The following PKN3 variants were observed in gnomAD, a reference collection of about 807,000 sequenced individuals.
PKN3 encodes serine/threonine-protein kinase N3.
A neutral mutation model predicts 113.1 loss-of-function variants in PKN3; 91 were observed. The observed-to-expected ratio is 0.80, with a 90% CI of 0.68 to 0.96. The LOEUF is 0.96. Among genes scored for constraint, PKN3 ranks in the 40% least tolerant of loss-of-function variants. PKN3 has a pLI of 0.00. For missense variants in PKN3, 1,052 were observed against 1,202.2 expected (o/e 0.88, Z 1.85); for synonymous variants, 467 against 499.0 (o/e 0.94, Z 0.85).
chr9:128,720,814 C>T lies in PKN3; in HGVS notation c.*208C>T, dbSNP rs1319089720. ...CCTTCCCCCTCCAGCTCGCCCTCTT[C>T]TACCTCCCAGCGAGACCTGGCCCAG... On this transcript the variant is annotated 3_prime_UTR_variant, in exon 22 of 22. Transcript: ENST00000291906. This position sits in a 1 kb window ranked among gnomAD's most constrained non-coding sequence, Gnocchi z 5.5. The T allele has an allele frequency of 1.7e-6, 1 of 605,066 alleles. No individual in the cohort carries two copies. 37.5% of individuals were successfully genotyped at this position (605,066 alleles called of 1,614,324 possible). A position where few individuals can be genotyped will look rare whatever the true frequency, so the allele number is the denominator to read the frequency against.
rs1861988101 is a variant in PKN3, at chr9:128,705,553, G to A, written c.265+10G>A. ...GGGCCTGGCCCAGCTGGTGAGTGAG[G>A]AGCTGAGACCCCCTCAGGACAGAAG... is the stretch of plus-strand genomic sequence containing the variant. On this transcript the variant is annotated intron_variant, in intron 2 of 21. Coordinates refer to ENST00000291906, the MANE Select transcript of PKN3 (RefSeq NM_013355.5). 6.4e-7 allele frequency: 1 copy of A among 1,553,838 alleles called. No individual in the cohort carries two copies. The highest frequency in any genetic ancestry group is 8.7e-7 in the Non-Finnish European group (1 of 1,149,446).
In PKN3 at chr9:128,716,928, G is replaced by T; in HGVS notation, c.1985+5G>T. ...CTTCCCCGAGCCCCAGGCCCGGTGGGTTCCATCCCTCCTGCCTGCCTCTTC... is the reference window on the plus strand; with the variant it reads ...CTTCCCCGAGCCCCAGGCCCGGTGGTTTCCATCCCTCCTGCCTGCCTCTTC... On this transcript the variant is annotated splice_donor_5th_base_variant and intron_variant, in intron 16 of 21. Transcript: ENST00000291906. 6.2e-7 allele frequency: 1 copy of T among 1,612,388 alleles called. No homozygotes were observed. The highest frequency in any genetic ancestry group is 1.3e-5 in the African/African-American group (1 of 74,828).
chr9:128,705,463 G>T lies in PKN3; in HGVS notation c.185G>T (p.Arg62Leu), dbSNP rs1266686337. Residue 62 changes from arginine (R) to leucine (L), a missense_variant, in exon 2 of 22, where the codon CGC becomes CTC. Coordinates refer to ENST00000291906, the MANE Select transcript of PKN3 (RefSeq NM_013355.5). ...HVQQLLRSSN[R>L]RLEQLHGELR... ...CAGCAGCTGCTGCGGTCCTCCAACC[G>T]CCGCCTGGAGCAGCTGCATGGCGAG... 12 of 1,570,520 alleles carry T rather than the reference G, an allele frequency of 7.6e-6. No individual in the cohort carries two copies. The East Asian group carries it at 2.6e-4, about 34-fold the overall frequency.
Position 128,714,201 on chromosome 9 carries a change from G to A in PKN3, c.1317G>A (p.Gln439=). The part of the protein sequence containing the change: ...QERIFSKRRG[Q]DFLRASQMNL... ...AAGCTCCCCCTTTTCTCCCAGGCCAGGACTTCCTGAGGGCTTCGCAGATGA... is the reference window on the plus strand; with the variant it reads ...AAGCTCCCCCTTTTCTCCCAGGCCAAGACTTCCTGAGGGCTTCGCAGATGA... The change falls in exon 11 of 22, where the codon CAG becomes CAA. Residue 439 remains glutamine (Q), a synonymous_variant. Transcript: ENST00000291906. 1.2e-6 allele frequency: 2 copies of A among 1,613,970 alleles called. No individual in the cohort carries two copies. Among genetic ancestry groups the A allele is most frequent in the Non-Finnish European group, 1.7e-6 (2 of 1,179,920 alleles).
In PKN3 at chr9:128,705,467, C is replaced by T. The variant is rs1861982970; in HGVS notation, c.189C>T (p.Arg63=). The T allele has an allele frequency of 1.9e-6, 3 of 1,570,336 alleles. No homozygotes were observed. The highest frequency in any genetic ancestry group is 2.4e-5 in the East Asian group (1 of 42,096). The change falls in exon 2 of 22, where the codon CGC becomes CGT. Residue 63 remains arginine, a synonymous_variant. Coordinates refer to ENST00000291906, the MANE Select transcript of PKN3 (RefSeq NM_013355.5). The part of the protein sequence containing the change: ...VQQLLRSSNR[R]LEQLHGELRE... ...AGCTGCTGCGGTCCTCCAACCGCCG[C>T]CTGGAGCAGCTGCATGGCGAGCTGC...
chr9:128,717,747 C>T (rs1345740607), intron 16 of PKN3, among the ~76,000 whole-genome samples: 1 of 138,910 alleles, frequency 7.2e-6, no homozygotes, highest in African/African-American at 2.7e-5. Flanking sequence ...AGGCCGGGCA[C>T]GTTGGTTCAT....
chr9:128,712,678 T>C (rs1006568085), intron 6 of PKN3, among the ~76,000 whole-genome samples: 1 of 152,184 alleles, frequency 6.6e-6, no homozygotes, highest in Non-Finnish European at 1.5e-5. Flanking sequence ...CTCCAGCATG[T>C]GGAGGGGAGA....
chr9:128,706,826 T>C lies in PKN3; in HGVS notation c.523+2T>C, dbSNP rs762326795. ...AGGCCAGTGGGTCCCCGGAGCCAGG[T>C]GAGGCCTTGAGACACAGGGAGGGCG... On this transcript the variant is annotated splice_donor_variant, in intron 4 of 21. Transcript: ENST00000291906. LOFTEE classifies it high-confidence loss of function. 3.7e-6 allele frequency: 6 copies of C among 1,611,100 alleles called. No homozygotes were observed. Among genetic ancestry groups the C allele is most frequent in the Non-Finnish European group, 5.1e-6 (6 of 1,177,922 alleles).
intron 6 of PKN3, among the ~76,000 whole-genome samples, chr9:128,710,847 A>C (rs1304109072): frequency 6.6e-6 from 1 of 152,100 alleles, no homozygotes. Flanking sequence ...CTTACACGGG[A>C]GTACTTATGG....
At chr9:128,714,703 T>C in intron 12 of PKN3, 39 bp downstream of exon 12, 1 of 1,373,790 alleles carries the variant, frequency 7.3e-7, no homozygotes, top group South Asian at 1.2e-5. Flanking sequence ...TAGGGCCGGC[T>C]GGGGCTGGCA....
intron 1 of PKN3, among the ~76,000 whole-genome samples, chr9:128,704,492 G>A (rs1176496031): frequency 1.3e-5 from 2 of 152,176 alleles, no homozygotes; most frequent in African/African-American, 4.8e-5. Context: ...TTGGGTCCCA[G>A]ATGTAGAGAG....
At chr9:128,708,745 A>C (rs1480135664) in intron 6 of PKN3, among the ~76,000 whole-genome samples, 1 of 151,752 alleles carries the variant, frequency 6.6e-6, no homozygotes, top group Non-Finnish European at 1.5e-5. Flanking sequence ...GGGGAGGCTG[A>C]GGCAAGAGAA....
chr9:128,704,372 A>T (rs1284834258), intron 1 of PKN3, among the ~76,000 whole-genome samples: 1 of 152,146 alleles, frequency 6.6e-6, no homozygotes, highest in Non-Finnish European at 1.5e-5. Flanking sequence ...TACCTGTGGC[A>T]TTGGGACATC....
At chr9:128,704,084 T>C in intron 1 of PKN3, 1 of 985,272 alleles carries the variant, frequency 1.0e-6, no homozygotes, top group Non-Finnish European at 1.2e-6. Flanking sequence ...GAGTCTGGGG[T>C]TGCGGCCCCT....
intron 1 of PKN3, chr9:128,703,319 G>A: frequency 1.0e-6 from 1 of 963,220 alleles, no homozygotes; most frequent in Non-Finnish European, 1.2e-6. Context: ...CGGGGCACAG[G>A]GGCCTGGGGG....
chr9:128,706,237 C>T (rs566343407), intron 3 of PKN3, among the ~76,000 whole-genome samples: 53 of 152,310 alleles, frequency 3.5e-4, no homozygotes, highest in Non-Finnish European at 3.5e-4. Flanking sequence ...AGCCCCTGCC[C>T]TGATCTGATG....
chr9:128,718,767 G>T, intron 18 of PKN3, 142 bp downstream of exon 18: 9 of 758,262 alleles, frequency 1.2e-5, no homozygotes, highest in Non-Finnish European at 1.8e-5. Flanking sequence ...CATTCCAGGG[G>T]ACAGCTGGGC....
At position 128,702,758 on chromosome 9, in the gene PKN3, G is replaced by T. The variant is rs1473120379; in HGVS notation, c.-158G>T. On this transcript the variant is annotated 5_prime_UTR_variant, in exon 1 of 22. Transcript: ENST00000291906. ...ATCGGCGCGGACGGGAGGCGGCGCT[G>T]GTCCCGCGGGCCAGCGGGTCTCGGG... 7.0e-6 allele frequency: 4 copies of T among 571,248 alleles called. No individual in the cohort carries two copies. Among genetic ancestry groups the T allele is most frequent in the Non-Finnish European group, 1.2e-5 (4 of 333,544 alleles). The allele number at this position is 571,248 out of a possible 1,614,324, so 35.4% of individuals were successfully genotyped here. A position where few individuals can be genotyped will look rare whatever the true frequency, so the allele number is the denominator to read the frequency against.
Position 128,715,342 on chromosome 9 carries a change from T to C in PKN3, c.1717-27T>C. The stretch of plus-strand genomic sequence containing the variant: ...TAAAGGCTCCCTGGTCTGGCCCACC[T>C]GGAGCACAACCTCTCTCTGGCCCCA... On this transcript the variant is annotated intron_variant, in intron 14 of 21. Coordinates refer to ENST00000291906, the MANE Select transcript of PKN3 (RefSeq NM_013355.5). This position sits in a 1 kb window ranked among gnomAD's most constrained non-coding sequence, Gnocchi z 4.1. The C allele has an allele frequency of 6.2e-7, 1 of 1,609,964 alleles. No individual in the cohort carries two copies. The highest frequency in any genetic ancestry group is 2.2e-5 in the East Asian group (1 of 44,854).
Sources: allele counts gnomAD v4.1 joint callset (sites outside exome capture counted in the v4.1 genomes callset), GRCh38; gene constraint gnomAD v4.1.1; non-coding constraint Gnocchi (gnomAD v3.1); transcripts MANE v1.5; gene names NCBI Gene and HGNC (gene_info 2026-07-23, HGNC 2026-07-21).